Variants in GRAMD2B observed in about 807,000 individuals in gnomAD.
The protein encoded by GRAMD2B is GRAM domain containing 2B, also known as GRAM domain-containing protein 2B.
In GRAMD2B, 41 loss-of-function variants were observed where a neutral mutation model predicts 59.2. The observed-to-expected ratio is 0.69, with a 90% CI of 0.54 to 0.90. The LOEUF is 0.90. Among genes scored for constraint, GRAMD2B ranks in the 40% least tolerant of loss-of-function variants. The pLI, the probability that GRAMD2B is intolerant of heterozygous loss-of-function variation, is 0.00. For synonymous variants in GRAMD2B, 161 were observed against 182.7 expected, an observed-to-expected ratio of 0.88 and a Z score of 0.96; for missense variants, 424 against 500.5, an observed-to-expected ratio of 0.85 and a Z score of 1.46.
chr5:126,477,925 A>G (rs184634116), intron 6 of GRAMD2B, 138 bp downstream of exon 6: 1 of 630,872 alleles, frequency 1.6e-6, no homozygotes. Context: ...AAATTCCATA[A>G]GACTAATTTT....
At chr5:126,472,881 T>C (rs1320685332) in intron 4 of GRAMD2B, among the ~76,000 whole-genome samples, 1 of 152,186 alleles carries the variant, frequency 6.6e-6, no homozygotes, top group Non-Finnish European at 1.5e-5. Flanking sequence ...TTATGTGCTC[T>C]TCCCCTAGTG....
At position 126,490,544 on chromosome 5, in the gene GRAMD2B, G is replaced by A. The variant is rs553521934; in HGVS notation, c.1257+1652G>A. 7.2e-5 allele frequency among the ~76,000 whole-genome samples: 11 copies of A among 152,300 alleles called. No homozygotes were observed. In the East Asian group the frequency reaches 2.1e-3, roughly 29 times the overall value. On this transcript the variant is annotated intron_variant, in intron 13 of 13. Coordinates refer to ENST00000285689, the MANE Select transcript of GRAMD2B (RefSeq NM_023927.4). ...AACTGATTCAGTAAAAAGTGGATTT[G>A]GGGTCAAAATGCGCGTGTTGATGTT...
intron 1 of GRAMD2B, chr5:126,465,106 G>T (rs1768058341): frequency 1.7e-6 from 2 of 1,182,866 alleles, no homozygotes; most frequent in South Asian, 2.4e-5. Flanking sequence ...TGTGCAGGGC[G>T]CTCCCAGCCT....
intron 5 of GRAMD2B, among the ~76,000 whole-genome samples, chr5:126,475,897 T>G (rs953515702): frequency 2.6e-5 from 4 of 152,098 alleles, no homozygotes; most frequent in African/African-American, 9.7e-5. Context: ...TTACCTGAGG[T>G]CAGGAGTTTG....
rs61181985 is a variant in GRAMD2B at position 126,391,319 on chromosome 5, CAAAAAAAAA to C, written c.125+19765_125+19773del. Among the ~76,000 whole-genome samples the C allele has an allele frequency of 1.4e-4, 11 of 76,354 alleles. No homozygotes were observed. In the South Asian group the frequency reaches 3.3e-3, roughly 23 times the overall value. 50.1% of individuals were successfully genotyped at this position (76,354 alleles called of 152,430 possible). A position where few individuals can be genotyped will look rare whatever the true frequency, so the allele number is the denominator to read the frequency against. On this transcript the variant is annotated intron_variant, in intron 1 of 8. Coordinates refer to the GRAMD2B transcript ENST00000506445. ...TGGGCAAGAGAGGGAGACTCCATCT[CAAAAAAAAA>C]AAAAAAAAAAAACTTGTACACTGTT... is the stretch of plus-strand genomic sequence containing the variant.
upstream of GRAMD2B, chr5:126,371,285 A>G (rs1265920922): frequency 1.3e-5 from 14 of 1,104,194 alleles, no homozygotes; most frequent in Non-Finnish European, 1.6e-5. Context: ...ACTGACTTTT[A>G]AAAACATAGC....
intron 1 of GRAMD2B, among the ~76,000 whole-genome samples, chr5:126,388,399 T>A (rs1218391214): frequency 4.6e-5 from 7 of 151,938 alleles, no homozygotes; most frequent in African/African-American, 1.7e-4. Context: ...AATTAATTAA[T>A]TAAATAAAGA....
At chr5:126,374,889 A>G (rs1443668447) in intron 1 of GRAMD2B, among the ~76,000 whole-genome samples, 1 of 152,196 alleles carries the variant, frequency 6.6e-6, no homozygotes, top group African/African-American at 2.4e-5. Flanking sequence ...CCCAGTTCAG[A>G]AGTGTTTCAT....
intron 1 of GRAMD2B, among the ~76,000 whole-genome samples, chr5:126,387,024 C>T (rs1214769339): frequency 1.3e-5 from 2 of 152,082 alleles, no homozygotes; most frequent in South Asian, 2.1e-4. Context: ...ACGAAAGGTG[C>T]ATGAGGCTTT....
Position 126,393,049 on chromosome 5 carries a change from G to A in GRAMD2B, c.125+21482G>A, listed in dbSNP as rs77402704. Among the ~76,000 whole-genome samples the A allele has an allele frequency of 7.7e-3, 1,177 of 152,246 alleles. 15 individuals are homozygous for A. Among genetic ancestry groups the A allele is most frequent in the African/African-American group, 0.027 (1,119 of 41,528 alleles). ...TTACACCGCAGGACTCAAAGTTCAC[G>A]CAAGAAAATGGTTTAAGGACTGAGT... On this transcript the variant is annotated intron_variant, in intron 1 of 8. Transcript: ENST00000506445.
chr5:126,474,605 C>T (rs113813806), intron 5 of GRAMD2B, among the ~76,000 whole-genome samples: 1 of 152,206 alleles, frequency 6.6e-6, no homozygotes, highest in East Asian at 1.9e-4. Context: ...TGATATAGTT[C>T]TCAGGAATTC....
At chr5:126,369,600 A>T (rs1754638820), upstream of GRAMD2B, among the ~76,000 whole-genome samples, 1 of 152,278 alleles carries the variant, frequency 6.6e-6, no homozygotes, top group Admixed American at 6.5e-5. Context: ...CCCATTTTTT[A>T]AAACTTTTTA....
At chr5:126,447,491 T>C (rs781105654) in intron 1 of GRAMD2B, among the ~76,000 whole-genome samples, 8 of 151,650 alleles carry the variant, frequency 5.3e-5, no homozygotes, top group Non-Finnish European at 1.2e-4. Context: ...TGAAACCCCG[T>C]CTCTACTAAA....
chr5:126,472,269 T>C lies in GRAMD2B; in HGVS notation c.347T>C (p.Phe116Ser), dbSNP rs746959753. ...YKANMHFHKLFLSVPTEEPLK... is the reference protein window; with the variant it reads ...YKANMHFHKLSLSVPTEEPLK... ...GCCAATATGCACTTTCACAAGTTGT[T>C]TCTTAGTGTCCCAACGGAGGAACCA... is the stretch of plus-strand genomic sequence containing the variant. Residue 116 changes from phenylalanine (F) to serine (S), a missense_variant, in exon 4 of 14, where the codon TTT (phenylalanine) becomes TCT (serine). Physicochemically the swap from Phe to Ser is radical, Grantham distance 155 (BLOSUM62 -2). Transcript: ENST00000285689. The C allele has an allele frequency of 1.2e-5, 19 of 1,614,086 alleles. No individual in the cohort carries two copies. Among genetic ancestry groups the C allele is most frequent in the Non-Finnish European group, 1.4e-5 (16 of 1,179,902 alleles).
intron 1 of GRAMD2B, among the ~76,000 whole-genome samples, chr5:126,410,863 G>A (rs189783417): frequency 6.6e-6 from 1 of 152,114 alleles, no homozygotes; most frequent in East Asian, 1.9e-4. Context: ...TTTGATGTCA[G>A]TGATGTGGAA....
At position 126,473,356 on chromosome 5, in the gene GRAMD2B, A is replaced by G. The variant is rs765242393; in HGVS notation, c.474A>G (p.Gly158=). The change falls in exon 5 of 14, where the codon GGA becomes GGG. Residue 158 remains glycine, a synonymous_variant. Coordinates refer to ENST00000285689, the MANE Select transcript of GRAMD2B (RefSeq NM_023927.4). ...NWICFHSKVF[G]KDTKISIPAF... ...TTTGTTTTCATTCCAAAGTCTTTGG[A>G]AAAGACACAAAGGTTGGTATAATTA... 5.6e-6 allele frequency: 8 copies of G among 1,423,476 alleles called. No individual in the cohort carries two copies. In the African/African-American group the frequency reaches 1.2e-4, roughly 21 times the overall value. The allele number at this position is 1,423,476 out of a possible 1,614,324, so 88.2% of individuals were successfully genotyped here.
At position 126,465,551 on chromosome 5, in the gene GRAMD2B, T is replaced by G; in HGVS notation, c.203+6T>G. 1 of 1,611,854 alleles carries G rather than the reference T, an allele frequency of 6.2e-7. No individual in the cohort carries two copies. Among genetic ancestry groups the G allele is most frequent in the South Asian group, 1.1e-5 (1 of 90,496 alleles). On this transcript the variant is annotated splice_donor_region_variant and intron_variant, in intron 2 of 13. Transcript: ENST00000285689. ...AAGAAAATCATTAGCCTATGGTAAGTCCTCCGTTGACTCTCTTTGTTCTCT... is the reference window on the plus strand; with the variant it reads ...AAGAAAATCATTAGCCTATGGTAAGGCCTCCGTTGACTCTCTTTGTTCTCT...
chr5:126,484,104 A>G (rs765427687), intron 9 of GRAMD2B, among the ~76,000 whole-genome samples: 19 of 152,246 alleles, frequency 1.2e-4, no homozygotes, highest in Non-Finnish European at 2.2e-4. Context: ...CTGGGATTAC[A>G]GGCGTGAGCC....
intron 1 of GRAMD2B, among the ~76,000 whole-genome samples, chr5:126,390,345 G>T (rs973394449): frequency 3.9e-5 from 6 of 152,216 alleles, no homozygotes; most frequent in Non-Finnish European, 1.5e-5. Flanking sequence ...TAACTGAAAT[G>T]TCAAGTGACC....
Sources: gnomAD v4.1 joint callset for allele counts (sites outside exome capture counted in the v4.1 genomes callset) on GRCh38, gnomAD v4.1.1 for gene constraint, MANE v1.5 for transcripts, NCBI Gene and HGNC (gene_info 2026-07-23, HGNC 2026-07-21) for gene names.